Variants in ANO5 observed in about 807,000 individuals in gnomAD.
ANO5 encodes anoctamin 5.
In ANO5, 109 loss-of-function variants were observed where a neutral mutation model predicts 121.0. That is an observed-to-expected ratio of 0.90 (90% CI 0.77 to 1.06). The LOEUF is 1.06. ANO5 is among the 50% of genes least tolerant of loss of function. The pLI is 0.00. For missense variants in ANO5, 1,064 were observed against 1,078.5 expected (o/e 0.99, Z 0.19); for synonymous variants, 406 against 359.9 (o/e 1.13, Z -1.45).
chr11:22,254,173 CT>C (rs1853916345), intron 12 of ANO5, among the ~76,000 whole-genome samples: 2 of 151,874 alleles, frequency 1.3e-5, no homozygotes, highest in Non-Finnish European at 2.9e-5. Flanking sequence ...TATATTTGCA[CT>C]GGAAAAATAT....
intron 17 of ANO5, among the ~76,000 whole-genome samples, chr11:22,268,750 T>C (rs1017968340): frequency 6.6e-6 from 1 of 152,218 alleles, no homozygotes; most frequent in African/African-American, 2.4e-5. Context: ...GTGCATTGGC[T>C]CATGCCTGTA....
intron 12 of ANO5, among the ~76,000 whole-genome samples, chr11:22,253,948 A>G (rs1311944182): frequency 5.3e-5 from 8 of 152,208 alleles, no homozygotes; most frequent in African/African-American, 1.2e-4. Context: ...TAAAGTTTCA[A>G]TTAAGCAAGA....
At chr11:22,218,196 T>C (rs773468740) in intron 3 of ANO5, 50 bp from the exon 4 acceptor site, 9 of 1,608,096 alleles carry the variant, frequency 5.6e-6, no homozygotes, top group Non-Finnish European at 7.7e-6. Flanking sequence ...TTGGAATCTT[T>C]ACTGTAATTC....
chr11:22,196,743 C>T (rs1851825262), intron 1 of ANO5, among the ~76,000 whole-genome samples: 1 of 152,124 alleles, frequency 6.6e-6, no homozygotes, highest in South Asian at 2.1e-4. Flanking sequence ...GTGACATGCA[C>T]CTGTAGTCCC....
rs1189800877 is a variant in ANO5, at chr11:22,272,901, A to G, written c.2147A>G (p.Tyr716Cys). The G allele has an allele frequency of 1.2e-6, 2 of 1,614,174 alleles. No homozygotes were observed. The highest frequency in any genetic ancestry group is 2.2e-5 in the South Asian group (2 of 91,082). The change falls in exon 19 of 22, where the codon TAC (tyrosine) becomes TGC (cysteine). Residue 716 changes from tyrosine to cysteine, a missense_variant. Physicochemically the swap from Tyr to Cys is radical, Grantham distance 194. Coordinates refer to ENST00000324559, the MANE Select transcript of ANO5 (RefSeq NM_213599.3). ...GATGCCTGGAAACTTACCACTCAAT[A>G]CAGGAGAACTGTAGCTTCTAAAGCT... ...RVDAWKLTTQ[Y>C]RRTVASKAHS...
At chr11:22,273,049 T>A (rs989454870) in intron 19 of ANO5, 60 bp downstream of exon 19, 4 of 1,442,808 alleles carry the variant, frequency 2.8e-6, no homozygotes, top group African/African-American at 2.8e-5. Flanking sequence ...TGTGGGGAGA[T>A]GTGAATGATG....
chr11:22,273,552 A>G (rs1324434128), intron 19 of ANO5, among the ~76,000 whole-genome samples: 1 of 152,162 alleles, frequency 6.6e-6, no homozygotes, highest in Non-Finnish European at 1.5e-5. Flanking sequence ...AGCCAAAACC[A>G]CTATTACAGA....
Position 22,279,648 on chromosome 11 carries a change from T to G in ANO5, c.2625T>G (p.Ile875Met). ...IKREKLMTIK[I>M]LHDFELNKLK... ...GAGAAAAGTTAATGACTATCAAGAT[T>G]CTCCATGATTTTGAGCTCAACAAAT... The change falls in exon 22 of 22, where the codon ATT becomes ATG. Residue 875 changes from isoleucine to methionine, a missense_variant. Physicochemically the swap from Ile to Met is conservative, Grantham distance 10 (BLOSUM62 1). Coordinates refer to ENST00000324559, the MANE Select transcript of ANO5 (RefSeq NM_213599.3). 1 of 1,612,732 alleles carries G rather than the reference T, an allele frequency of 6.2e-7. No homozygotes were observed. Among genetic ancestry groups the G allele is most frequent in the Non-Finnish European group, 8.5e-7 (1 of 1,179,016 alleles).
intron 7 of ANO5, among the ~76,000 whole-genome samples, chr11:22,229,033 T>C (rs1487408890): frequency 6.6e-6 from 1 of 151,900 alleles, no homozygotes; most frequent in Non-Finnish European, 1.5e-5. Context: ...AGCTCTATAT[T>C]TAATTTTTTG....
At chr11:22,262,319 T>C (rs773997402) in intron 16 of ANO5, 21 bp downstream of exon 16, 1 of 1,611,838 alleles carries the variant, frequency 6.2e-7, no homozygotes, top group Non-Finnish European at 8.5e-7. Context: ...CCTTGAGAGT[T>C]GAGGTGTGTA....
rs143064776 is a variant in ANO5 at position 22,201,145 on chromosome 11, T to C, written c.41-2659T>C. 2.9e-3 allele frequency among the ~76,000 whole-genome samples: 443 copies of C among 152,288 alleles called. 3 individuals are homozygous for C. Among genetic ancestry groups the C allele is most frequent in the African/African-American group, 0.01 (423 of 41,570 alleles). On this transcript the variant is annotated intron_variant, in intron 1 of 21. Transcript: ENST00000324559. The stretch of plus-strand genomic sequence containing the variant: ...ACCTCTTTGCACAGTGCCTGGTGCA[T>C]GGCAAGTTATCATTATATTTTGGCT...
chr11:22,207,768 A>T (rs1403546542), intron 2 of ANO5, among the ~76,000 whole-genome samples: 4 of 152,094 alleles, frequency 2.6e-5, no homozygotes, highest in African/African-American at 7.2e-5. Context: ...AAATATTTGC[A>T]TATTCTGTAT....
chr11:22,236,232 C>A lies in ANO5; in HGVS notation c.718C>A (p.Leu240Met). The change falls in exon 8 of 22, where the codon CTG becomes ATG. Residue 240 changes from leucine to methionine, a missense_variant. Leu to Met is a conservative substitution (Grantham distance 15). Coordinates refer to ENST00000324559, the MANE Select transcript of ANO5 (RefSeq NM_213599.3). ...DGKKRFGIER[L>M]LNSNTYSSAY... ...GAAGAAAAGGTTTGGGATTGAAAGA[C>A]TGCTAAACTCTAACACTTACTCATC... 6.2e-7 allele frequency: 1 copy of A among 1,613,356 alleles called. No individual in the cohort carries two copies. The highest frequency in any genetic ancestry group is 1.1e-5 in the South Asian group (1 of 91,070).
rs367604910 is a variant in ANO5, at chr11:22,276,106, C to T, written c.2427C>T (p.Tyr809=). ...RDFITCRYRD[Y]RYPPDDENKY... is the part of the protein sequence containing the mutation. ...TTCCACTTTTCAGGTACAGAGATTA[C>T]AGATATCCTCCTGATGACGAGAATA... The change falls in exon 21 of 22, where the codon TAC becomes TAT. Residue 809 remains tyrosine, a synonymous_variant. Coordinates refer to ENST00000324559, the MANE Select transcript of ANO5 (RefSeq NM_213599.3). 2 of 1,605,750 alleles carry T rather than the reference C, an allele frequency of 1.2e-6. No homozygotes were observed. The highest frequency in any genetic ancestry group is 1.7e-6 in the Non-Finnish European group (2 of 1,173,418).
upstream of ANO5, among the ~76,000 whole-genome samples, chr11:22,192,756 C>T (rs1022521086): frequency 2.0e-5 from 3 of 152,184 alleles, no homozygotes; most frequent in Non-Finnish European, 2.9e-5. Flanking sequence ...AACCAGGATT[C>T]CTGGTCGTGG....
intron 21 of ANO5, among the ~76,000 whole-genome samples, chr11:22,278,253 C>G (rs1441555342): frequency 6.6e-6 from 1 of 151,532 alleles, no homozygotes; most frequent in Non-Finnish European, 1.5e-5. Flanking sequence ...TGTCAATATT[C>G]ATTGTTTTAA....
chr11:22,276,919 G>GT (rs147267848), intron 21 of ANO5, among the ~76,000 whole-genome samples: 8,033 of 150,012 alleles, frequency 0.054, 759 homozygotes, highest in African/African-American at 0.19. Flanking sequence ...ACCAGTTTCT[G>GT]TTTTTTTTTA....
At chr11:22,212,618 G>C (rs115184518) in intron 3 of ANO5, among the ~76,000 whole-genome samples, 2,020 of 151,990 alleles carry the variant, frequency 0.013, 59 homozygotes, top group African/African-American at 0.047. Context: ...TATGCTTTTA[G>C]ATTCTTGCCT....
At chr11:22,262,391 A>G in intron 16 of ANO5, 93 bp downstream of exon 16, 1 of 1,345,810 alleles carries the variant, frequency 7.4e-7, no homozygotes, top group East Asian at 2.3e-5. Flanking sequence ...ATGCTAAAAA[A>G]TTACAAAATA....
Sources: allele counts gnomAD v4.1 joint callset (sites outside exome capture counted in the v4.1 genomes callset), GRCh38; gene constraint gnomAD v4.1.1; transcripts MANE v1.5; gene names NCBI Gene and HGNC (gene_info 2026-07-23, HGNC 2026-07-21).